ADAMTSL1: variants seen among roughly 807,000 people sequenced by gnomAD.
ADAMTSL1 encodes ADAMTS-like protein 1.
A neutral mutation model predicts 201.8 loss-of-function variants in ADAMTSL1; 126 were observed. The observed-to-expected ratio is 0.62, with a 90% CI of 0.54 to 0.72. The LOEUF (loss-of-function observed/expected upper bound fraction) is 0.72. Ranked by LOEUF, ADAMTSL1 falls within the 30% of genes least tolerant of loss-of-function variation. The pLI is 0.00. For synonymous variants in ADAMTSL1, 1,121 were observed against 903.4 expected, an observed-to-expected ratio of 1.24 and a Z score of -4.32; for missense variants, 2,679 against 2,277.8, an observed-to-expected ratio of 1.18 and a Z score of -3.59.
chr9:17,937,301 A>T (rs1827049400), intron 1 of ADAMTSL1, among the ~76,000 whole-genome samples: 1 of 152,046 alleles, frequency 6.6e-6, no homozygotes, highest in Non-Finnish European at 1.5e-5. Context: ...CTTTATCTGC[A>T]TTTTTGGAAG....
chr9:18,359,968 T>A (rs1836444925), intron 2 of ADAMTSL1, among the ~76,000 whole-genome samples: 1 of 151,940 alleles, frequency 6.6e-6, no homozygotes, highest in African/African-American at 2.4e-5. Context: ...ATAATACTAA[T>A]AATAATGTTA....
At chr9:18,014,090 A>G (rs1021626488) in intron 1 of ADAMTSL1, among the ~76,000 whole-genome samples, 9 of 152,022 alleles carry the variant, frequency 5.9e-5, no homozygotes, top group Non-Finnish European at 1.3e-4. Flanking sequence ...TATTCTGAAA[A>G]TAAGAGGTTC....
At chr9:18,151,098 C>G (rs910689979) in intron 1 of ADAMTSL1, among the ~76,000 whole-genome samples, 1 of 151,904 alleles carries the variant, frequency 6.6e-6, no homozygotes, top group Non-Finnish European at 1.5e-5. Flanking sequence ...TCTGTGTTAC[C>G]TAGTCCATCT....
chr9:18,788,973 T>G (rs1821869392), intron 19 of ADAMTSL1, among the ~76,000 whole-genome samples: 1 of 152,266 alleles, frequency 6.6e-6, no homozygotes, highest in Non-Finnish European at 1.5e-5. Context: ...GAGTCAAGAA[T>G]AGAATTAAGG....
chr9:18,420,260 A>T (rs1752305020), intron 2 of ADAMTSL1, among the ~76,000 whole-genome samples: 4 of 152,190 alleles, frequency 2.6e-5, no homozygotes. Flanking sequence ...GATGAACTGG[A>T]GAGGAGAGTC....
intron 19 of ADAMTSL1, 136 bp from the exon 20 acceptor site, chr9:18,795,261 T>C: frequency 8.9e-7 from 1 of 1,125,424 alleles, no homozygotes; most frequent in Non-Finnish European, 1.3e-6. Context: ...TTGATTGTCC[T>C]TGTAGCTGGT....
chr9:18,181,469 G>C (rs1037457918), intron 2 of ADAMTSL1, among the ~76,000 whole-genome samples: 2 of 151,864 alleles, frequency 1.3e-5, no homozygotes, highest in African/African-American at 2.4e-5. Flanking sequence ...ATCAAAAAGT[G>C]GGCGAAGGAT....
At chr9:18,254,887 C>T (rs1000462115) in intron 2 of ADAMTSL1, among the ~76,000 whole-genome samples, 1 of 152,016 alleles carries the variant, frequency 6.6e-6, no homozygotes, top group Non-Finnish European at 1.5e-5. Flanking sequence ...ATGACATTAT[C>T]TAGAGCAAGA....
At chr9:18,516,000 A>T (rs10963621) in intron 2 of ADAMTSL1, among the ~76,000 whole-genome samples, 20,556 of 150,772 alleles carry the variant, frequency 0.14, 1,703 homozygotes, top group South Asian at 0.22. Context: ...AAGTCATTAA[A>T]CTTCCTATCC....
At chr9:18,107,495 A>G (rs951036269) in intron 1 of ADAMTSL1, among the ~76,000 whole-genome samples, 1 of 152,200 alleles carries the variant, frequency 6.6e-6, no homozygotes, top group African/African-American at 2.4e-5. Flanking sequence ...GATGCTGAAC[A>G]TGGCAGTACT....
chr9:17,968,700 G>C (rs987849572), intron 1 of ADAMTSL1, among the ~76,000 whole-genome samples: 5 of 152,092 alleles, frequency 3.3e-5, no homozygotes, highest in Non-Finnish European at 7.4e-5. Flanking sequence ...GTTGGGACAG[G>C]CTGTGTCATG....
intron 1 of ADAMTSL1, among the ~76,000 whole-genome samples, chr9:17,947,455 G>C (rs1476703897): frequency 6.6e-6 from 1 of 151,538 alleles, no homozygotes; most frequent in African/African-American, 2.4e-5. Flanking sequence ...TCTTAATTTA[G>C]TAAAAACCAT....
chr9:18,360,702 A>T (rs1836479813), intron 2 of ADAMTSL1: 1 of 152,206 alleles, frequency 6.6e-6, no homozygotes, highest in African/African-American at 2.4e-5. Context: ...ACTCCTATTG[A>T]GAAACACTGC....
At chr9:18,552,132 C>T (rs367890155) in intron 3 of ADAMTSL1, among the ~76,000 whole-genome samples, 56 of 151,774 alleles carry the variant, frequency 3.7e-4, no homozygotes, top group African/African-American at 1.3e-3. Context: ...TTTTCTTTAG[C>T]TTACTTTCTT....
chr9:18,150,368 C>G (rs891785723), intron 1 of ADAMTSL1, among the ~76,000 whole-genome samples: 10 of 151,978 alleles, frequency 6.6e-5, no homozygotes, highest in African/African-American at 2.4e-4. Context: ...GGATGACCTA[C>G]TAGGTCACAA....
At chr9:18,645,075 C>A (rs76719114) in intron 7 of ADAMTSL1, among the ~76,000 whole-genome samples, 4 of 152,050 alleles carry the variant, frequency 2.6e-5, no homozygotes, top group Non-Finnish European at 2.9e-5. Context: ...TTAATGATTG[C>A]CATTCTACCT....
chr9:18,890,503 A>C (rs887771530), intron 25 of ADAMTSL1: 22 of 455,834 alleles, frequency 4.8e-5, no homozygotes, highest in Admixed American at 1.6e-4. Flanking sequence ...TTTACTACCT[A>C]TCTGTAGGAC....
chr9:18,352,797 G>A (rs976719933), intron 2 of ADAMTSL1, among the ~76,000 whole-genome samples: 4 of 152,144 alleles, frequency 2.6e-5, no homozygotes, highest in South Asian at 2.1e-4. Flanking sequence ...GGAAAAATAC[G>A]TTTTTACCCT....
intron 1 of ADAMTSL1, among the ~76,000 whole-genome samples, chr9:18,108,776 T>C (rs1401608847): frequency 6.6e-6 from 1 of 151,928 alleles, no homozygotes; most frequent in Non-Finnish European, 1.5e-5. Context: ...AATTAGCTCT[T>C]TTTTTTTCTC....
Sources: allele counts gnomAD v4.1 joint callset (sites outside exome capture counted in the v4.1 genomes callset), GRCh38; gene constraint gnomAD v4.1.1; transcripts MANE v1.5; gene names NCBI Gene and HGNC (gene_info 2026-07-23, HGNC 2026-07-21).